Variants in PARD3B observed in about 807,000 individuals in gnomAD.
The protein encoded by PARD3B is partitioning defective 3 homolog B.
Under a neutral mutation model 130.2 loss-of-function variants are expected in PARD3B, and 103 were observed. That is an observed-to-expected ratio of 0.79 (90% CI 0.67 to 0.93). The LOEUF (loss-of-function observed/expected upper bound fraction) is 0.93, where lower values mean the gene tolerates loss of function less well. Among genes scored for constraint, PARD3B ranks in the 40% least tolerant of loss-of-function variants. PARD3B has a pLI of 0.00. For missense variants in PARD3B, 1,609 were observed against 1,499.2 expected (o/e 1.07, Z -1.21); for synonymous variants, 583 against 553.2 (o/e 1.05, Z -0.76).
intron 16 of PARD3B, among the ~76,000 whole-genome samples, chr2:205,255,722 A>G (rs1322237160): frequency 6.6e-6 from 1 of 152,136 alleles, no homozygotes; most frequent in East Asian, 1.9e-4. Context: ...AAGGATACAC[A>G]TGAAGGGCTG....
At chr2:205,195,829 T>TA (rs146274197) in intron 15 of PARD3B, among the ~76,000 whole-genome samples, 87,391 of 150,028 alleles carry the variant, frequency 0.58, 25,736 homozygotes, top group East Asian at 0.82. Context: ...GGTTCAAAAT[T>TA]TAAAAAAAAA....
chr2:204,847,596 C>T (rs1405660701), intron 2 of PARD3B, among the ~76,000 whole-genome samples: 4 of 152,130 alleles, frequency 2.6e-5, no homozygotes, highest in Non-Finnish European at 2.9e-5. Flanking sequence ...TCACCTGGAG[C>T]GTGAATCATC....
At chr2:204,724,118 T>C (rs2039117200) in intron 2 of PARD3B, among the ~76,000 whole-genome samples, 1 of 152,204 alleles carries the variant, frequency 6.6e-6, no homozygotes, top group Non-Finnish European at 1.5e-5. Context: ...TTAGCATTAC[T>C]TTTGATATTC....
chr2:205,235,023 G>A (rs1014315213), intron 15 of PARD3B, among the ~76,000 whole-genome samples: 4 of 151,994 alleles, frequency 2.6e-5, no homozygotes, highest in African/African-American at 9.7e-5. Flanking sequence ...AAAATGTGTG[G>A]GATAAGAAAA....
chr2:205,045,770 T>TACAC (rs575548645), intron 3 of PARD3B, among the ~76,000 whole-genome samples: 5 of 150,474 alleles, frequency 3.3e-5, no homozygotes, highest in South Asian at 2.1e-4. Context: ...TCTCCATATA[T>TACAC]ACACACACAC....
intron 2 of PARD3B, among the ~76,000 whole-genome samples, chr2:204,785,880 A>C (rs1172551356): frequency 6.6e-6 from 1 of 152,134 alleles, no homozygotes; most frequent in African/African-American, 2.4e-5. Flanking sequence ...TTGGGAGGCC[A>C]AGGCAGGAGA....
At chr2:205,081,101 C>T (rs984308178) in intron 4 of PARD3B, among the ~76,000 whole-genome samples, 4 of 151,972 alleles carry the variant, frequency 2.6e-5, no homozygotes, top group African/African-American at 9.7e-5. Flanking sequence ...ATTTGGTAAC[C>T]TGGGTGAATA....
At chr2:204,865,160 T>G (rs1194208644) in intron 2 of PARD3B, among the ~76,000 whole-genome samples, 2 of 152,308 alleles carry the variant, frequency 1.3e-5, no homozygotes, top group Non-Finnish European at 2.9e-5. Context: ...AGAACACTTT[T>G]ACACTGTTGG....
At chr2:204,777,652 C>G (rs1301310616) in intron 2 of PARD3B, among the ~76,000 whole-genome samples, 1 of 151,996 alleles carries the variant, frequency 6.6e-6, no homozygotes, top group Non-Finnish European at 1.5e-5. Flanking sequence ...GCTTGTGGTC[C>G]CAGCTACTTG....
At chr2:204,652,374 A>ATC (rs2035509348) in intron 1 of PARD3B, among the ~76,000 whole-genome samples, 2 of 152,284 alleles carry the variant, frequency 1.3e-5, no homozygotes, top group Admixed American at 1.3e-4. Flanking sequence ...ATCCTCAATC[A>ATC]TCTCTCTCAA....
chr2:205,545,133 T>C (rs10490289), intron 21 of PARD3B, among the ~76,000 whole-genome samples: 55,811 of 152,108 alleles, frequency 0.37, 11,431 homozygotes, highest in Admixed American at 0.51. Flanking sequence ...GGATGGCATA[T>C]TTGTAAATAC....
intron 20 of PARD3B, among the ~76,000 whole-genome samples, chr2:205,468,763 C>A (rs1156613415): frequency 6.6e-6 from 1 of 152,142 alleles, no homozygotes; most frequent in African/African-American, 2.4e-5. Flanking sequence ...TTGTGCTTTC[C>A]CTCTGGCATG....
rs1417229095 is a variant in PARD3B at position 204,656,880 on chromosome 2, C to G, written c.121-29301C>G. Reference sequence around the variant, plus strand: ...AAATGATTTGGAATAGAAGCAGCTCCTGTGTTATTTCACTTTTGTCTGTGC... The same window carrying G: ...AAATGATTTGGAATAGAAGCAGCTCGTGTGTTATTTCACTTTTGTCTGTGC... On this transcript the variant is annotated intron_variant, in intron 1 of 22. Transcript: ENST00000406610. Among the ~76,000 whole-genome samples, 13 of 152,246 alleles carry G rather than the reference C, an allele frequency of 8.5e-5. 1 individual carries two copies. Among genetic ancestry groups the G allele is most frequent in the Non-Finnish European group, 1.5e-5 (1 of 68,012 alleles).
rs1198849968 is a variant in PARD3B at position 205,470,443 on chromosome 2, C to T, written c.3045-29453C>T. Among the ~76,000 whole-genome samples, 1 of 152,202 alleles carries T rather than the reference C, an allele frequency of 6.6e-6. No individual in the cohort carries two copies. The highest frequency in any genetic ancestry group is 1.5e-5 in the Non-Finnish European group (1 of 68,038). Reference sequence around the variant, plus strand: ...TGTATCCACTGTCAGATGACTCCCTCTGCTCACCCCTGCAGGAGTATTTAA... The same window carrying T: ...TGTATCCACTGTCAGATGACTCCCTTTGCTCACCCCTGCAGGAGTATTTAA... On this transcript the variant is annotated intron_variant, in intron 20 of 22. Coordinates refer to ENST00000406610, the MANE Select transcript of PARD3B (RefSeq NM_001302769.2). This position sits in a 1 kb window ranked among gnomAD's most constrained non-coding sequence, Gnocchi z 4.8.
chr2:205,458,400 G>A lies in PARD3B; in HGVS notation c.3044+17728G>A, dbSNP rs986131369. Among the ~76,000 whole-genome samples, 18 of 151,560 alleles carry A rather than the reference G, an allele frequency of 1.2e-4. No homozygotes were observed. The highest frequency in any genetic ancestry group is 2.1e-4 in the South Asian group (1 of 4,780). ...TGTACATGCGTCTTGCTCTCTGTTC[G>A]TTTCTGGTTTTCTCTCTGTGATGCA... is the stretch of plus-strand genomic sequence containing the variant. On this transcript the variant is annotated intron_variant, in intron 20 of 22. Coordinates refer to ENST00000406610, the MANE Select transcript of PARD3B (RefSeq NM_001302769.2). This position sits in a 1 kb window ranked among gnomAD's most constrained non-coding sequence, Gnocchi z 4.8.
In PARD3B at chr2:204,686,497, C is replaced by G. The variant is rs948378829; in HGVS notation, c.222+215C>G. 6.6e-5 allele frequency among the ~76,000 whole-genome samples: 10 copies of G among 152,176 alleles called. 1 individual carries two copies. Among genetic ancestry groups the G allele is most frequent in the Admixed American group, 1.3e-4 (2 of 15,270 alleles). On this transcript the variant is annotated intron_variant, in intron 2 of 22. Transcript: ENST00000406610. ...AATCTGTTTGTGTTGGCCTAATTAGCAGACACTTCATTCCCAAGAGTTTCT... is the reference window on the plus strand; with the variant it reads ...AATCTGTTTGTGTTGGCCTAATTAGGAGACACTTCATTCCCAAGAGTTTCT...
intron 1 of PARD3B, among the ~76,000 whole-genome samples, chr2:204,634,218 C>A (rs912100652): frequency 3.3e-5 from 5 of 152,042 alleles, no homozygotes; most frequent in Non-Finnish European, 5.9e-5. Context: ...TTTTTAGATC[C>A]CACAAATAAG....
In PARD3B at chr2:204,675,957, C is replaced by A. The variant is rs563066722; in HGVS notation, c.121-10224C>A. On this transcript the variant is annotated intron_variant, in intron 1 of 22. Transcript: ENST00000406610. The surrounding 1 kb of genome is among the most constrained non-coding windows in gnomAD (Gnocchi z 4.4). ...ATTAATACCTTTTCTATGGCTTAAC[C>A]TTTGTTAAGCCATACTGGTTTATAC... 6.6e-6 allele frequency among the ~76,000 whole-genome samples: 1 copy of A among 151,036 alleles called. No homozygotes were observed.
chr2:205,081,183 C>A (rs541823630), intron 4 of PARD3B, among the ~76,000 whole-genome samples: 6 of 151,990 alleles, frequency 3.9e-5, no homozygotes, highest in Non-Finnish European at 4.4e-5. Context: ...GTTAATATAT[C>A]TTTCCCTATT....
Sources: gnomAD v4.1 joint callset for allele counts (sites outside exome capture counted in the v4.1 genomes callset) on GRCh38, gnomAD v4.1.1 for gene constraint, Gnocchi (gnomAD v3.1) non-coding constraint, MANE v1.5 for transcripts, NCBI Gene and HGNC (gene_info 2026-07-23, HGNC 2026-07-21) for gene names.